RGS7: variants seen among roughly 807,000 people sequenced by gnomAD.
RGS7 encodes regulator of G-protein signaling 7.
Under a neutral mutation model 81.1 loss-of-function variants are expected in RGS7, and 27 were observed. The ratio of observed to expected loss-of-function variants is 0.33; its 90% CI spans 0.25 to 0.46. The LOEUF (loss-of-function observed/expected upper bound fraction) is 0.46. RGS7 is among the 20% of genes least tolerant of loss of function. The pLI is 1.00. For synonymous variants in RGS7, 208 were observed against 207.7 expected, an observed-to-expected ratio of 1.00 and a Z score of -0.01; for missense variants, 396 against 607.4, an observed-to-expected ratio of 0.65 and a Z score of 3.66.
chr1:240,906,886 T>C (rs1384688904), intron 6 of RGS7, among the ~76,000 whole-genome samples: 1 of 152,140 alleles, frequency 6.6e-6, no homozygotes, highest in Non-Finnish European at 1.5e-5. Context: ...AATGGTGTAA[T>C]AAATTTGGTA....
At chr1:241,100,309 A>G (rs1026144111) in intron 2 of RGS7, among the ~76,000 whole-genome samples, 5 of 144,520 alleles carry the variant, frequency 3.5e-5, no homozygotes, top group Non-Finnish European at 6.0e-5. Context: ...CAGGAGGCAG[A>G]GCTTGCAGTG....
intron 2 of RGS7, among the ~76,000 whole-genome samples, chr1:241,344,096 A>G (rs904418312): frequency 2.0e-5 from 3 of 152,214 alleles, no homozygotes; most frequent in Non-Finnish European, 2.9e-5. Flanking sequence ...GCTTCAAAAT[A>G]ATCAACTGGG....
chr1:241,246,412 T>C (rs576503302), intron 2 of RGS7, among the ~76,000 whole-genome samples: 6 of 152,284 alleles, frequency 3.9e-5, no homozygotes, highest in Admixed American at 2.0e-4. Flanking sequence ...GACCAGACCA[T>C]GTCCCTGCGG....
intron 2 of RGS7, among the ~76,000 whole-genome samples, chr1:241,189,533 A>G (rs193073163): frequency 1.9e-4 from 29 of 152,316 alleles, no homozygotes; most frequent in African/African-American, 6.0e-4. Context: ...ATAAAGTCCA[A>G]TTTATTCACT....
Position 240,868,446 on chromosome 1 carries a change from G to T in RGS7, c.609+141C>A, listed in dbSNP as rs1663869303. ...TCTAGTCATCCTACACAAAAGTGGT[G>T]ATCTTTTCTTAATGAATTCACCAAG... is the stretch of plus-strand genomic sequence containing the variant. On this transcript the variant is annotated intron_variant, in intron 9 of 18. Transcript: ENST00000440928. The surrounding 1 kb of genome is among the most constrained non-coding windows in gnomAD (Gnocchi z 5.1). 2 of 748,350 alleles carry T rather than the reference G, an allele frequency of 2.7e-6. No homozygotes were observed. Among genetic ancestry groups the T allele is most frequent in the African/African-American group, 1.7e-5 (1 of 58,172 alleles). 46.4% of individuals were successfully genotyped at this position (748,350 alleles called of 1,614,324 possible). A position where few individuals can be genotyped will look rare whatever the true frequency, so the allele number is the denominator to read the frequency against.
chr1:240,877,261 AAT>A (rs967911934), intron 6 of RGS7, among the ~76,000 whole-genome samples: 46 of 150,126 alleles, frequency 3.1e-4, no homozygotes, highest in African/African-American at 1.0e-3. Flanking sequence ...ATATACAGTA[AAT>A]ATATATGTCT....
chr1:241,014,766 T>C (rs1161625190), intron 3 of RGS7, among the ~76,000 whole-genome samples: 1 of 152,184 alleles, frequency 6.6e-6, no homozygotes, highest in Non-Finnish European at 1.5e-5. Flanking sequence ...TCCATATAAG[T>C]GGTAGAAACA....
intron 10 of RGS7, among the ~76,000 whole-genome samples, chr1:240,822,278 G>A (rs946772339): frequency 5.9e-5 from 9 of 152,008 alleles, no homozygotes; most frequent in African/African-American, 1.9e-4. Flanking sequence ...AAAAAGAAGC[G>A]CTGTCCCACA....
At chr1:241,328,027 G>A (rs569230565) in intron 2 of RGS7, among the ~76,000 whole-genome samples, 1 of 152,168 alleles carries the variant, frequency 6.6e-6, no homozygotes, top group East Asian at 1.9e-4. Context: ...TACAATTTAT[G>A]TACATATTAA....
At chr1:241,030,698 C>T (rs985746465) in intron 3 of RGS7, among the ~76,000 whole-genome samples, 6 of 152,070 alleles carry the variant, frequency 3.9e-5, no homozygotes, top group African/African-American at 1.2e-4. Context: ...CTGGACTATA[C>T]CACTGCAATC....
In RGS7 at chr1:241,129,164, C is replaced by T. The variant is rs538276836; in HGVS notation, c.79-30402G>A. On this transcript the variant is annotated intron_variant, in intron 2 of 18. Coordinates refer to ENST00000440928, the MANE Select transcript of RGS7 (RefSeq NM_001364886.1). ...CCCTCAGCCTCCATGCTATAAGTAA[C>T]ACTGAAATTCACCATAAGATTTTCT... 3.9e-5 allele frequency among the ~76,000 whole-genome samples: 6 copies of T among 151,968 alleles called. No individual in the cohort carries two copies. In the South Asian group the frequency reaches 1.2e-3, roughly 32 times the overall value.
At chr1:240,904,370 C>T (rs1670495075) in intron 6 of RGS7, among the ~76,000 whole-genome samples, 1 of 152,250 alleles carries the variant, frequency 6.6e-6, no homozygotes, top group Non-Finnish European at 1.5e-5. Flanking sequence ...AATAGCTCAT[C>T]TTCAACACAC....
chr1:241,190,101 CA>C (rs796879870), intron 2 of RGS7, among the ~76,000 whole-genome samples: 31 of 145,518 alleles, frequency 2.1e-4, no homozygotes, highest in South Asian at 6.6e-4. Context: ...GACTCCGTCT[CA>C]AAAAAAAAAA....
chr1:241,070,242 C>T (rs975690068), intron 3 of RGS7, among the ~76,000 whole-genome samples: 3 of 150,070 alleles, frequency 2.0e-5, no homozygotes, highest in African/African-American at 7.4e-5. Flanking sequence ...TGATGGGTTG[C>T]TTGCTGATAG....
rs549744527 is a variant in RGS7, at chr1:241,313,208, A to T, written c.78+42491T>A. 1.0e-3 allele frequency among the ~76,000 whole-genome samples: 156 copies of T among 152,372 alleles called. 1 individual carries two copies. Among genetic ancestry groups the T allele is most frequent in the African/African-American group, 3.6e-3 (150 of 41,592 alleles). On this transcript the variant is annotated intron_variant, in intron 2 of 18. Transcript: ENST00000440928. ...TGAAGAAGCTGCAGTAAGTTTTCCA[A>T]AAGATCTAGCCAAGAGAATTGATGA... is the stretch of plus-strand genomic sequence containing the variant.
chr1:241,352,357 CA>C (rs1247549907), intron 2 of RGS7, among the ~76,000 whole-genome samples: 1 of 152,148 alleles, frequency 6.6e-6, no homozygotes, highest in African/African-American at 2.4e-5. Flanking sequence ...GGAATAAAAG[CA>C]GTCAAGCCTC....
rs1288989359 is a variant in RGS7, at chr1:241,280,325, A to T, written c.78+75374T>A. On this transcript the variant is annotated intron_variant, in intron 2 of 18. Coordinates refer to ENST00000440928, the MANE Select transcript of RGS7 (RefSeq NM_001364886.1). Reference sequence around the variant, plus strand: ...AGGCCAGAAGAGGGGAATGGAACACATTCTTCCTCATGGCCTGCTGATACC... The same window carrying T: ...AGGCCAGAAGAGGGGAATGGAACACTTTCTTCCTCATGGCCTGCTGATACC... Among the ~76,000 whole-genome samples, 3 of 152,262 alleles carry T rather than the reference A, an allele frequency of 2.0e-5. No homozygotes were observed. In the South Asian group the frequency reaches 6.2e-4, roughly 32 times the overall value.
chr1:240,913,798 T>C (rs1008085960), intron 6 of RGS7, among the ~76,000 whole-genome samples: 2 of 152,058 alleles, frequency 1.3e-5, no homozygotes, highest in Non-Finnish European at 2.9e-5. Context: ...GTTTTTTTTT[T>C]ATTTTGAACA....
At chr1:241,076,851 A>C (rs1354065364) in intron 3 of RGS7, among the ~76,000 whole-genome samples, 1 of 152,230 alleles carries the variant, frequency 6.6e-6, no homozygotes, top group Admixed American at 6.5e-5. Flanking sequence ...ACGCCTCAAA[A>C]GAAAGAGTGT....
Sources: allele counts gnomAD v4.1 joint callset (sites outside exome capture counted in the v4.1 genomes callset), GRCh38; gene constraint gnomAD v4.1.1; non-coding constraint Gnocchi (gnomAD v3.1); transcripts MANE v1.5; gene names NCBI Gene and HGNC (gene_info 2026-07-23, HGNC 2026-07-21).